ZNF239: variants seen among roughly 807,000 people sequenced by gnomAD.
The protein encoded by ZNF239 is zinc finger protein (C2H2) homologous to mouse MOK-2.
A neutral mutation model predicts 27.5 loss-of-function variants in ZNF239; 16 were observed. The observed-to-expected ratio is 0.58, with a 90% CI of 0.39 to 0.88. The LOEUF is 0.88. ZNF239 is among the 40% of genes least tolerant of loss of function. The probability of loss-of-function intolerance (pLI) is 0.00; values close to 1 mark genes in which losing one functional copy is unlikely to be tolerated. For missense variants in ZNF239, 527 were observed against 551.9 expected (o/e 0.95, Z 0.45); for synonymous variants, 199 against 192.6 (o/e 1.03, Z -0.27).
chr10:43,558,551 C>A (rs1732540703), intron 3 of ZNF239, among the ~76,000 whole-genome samples: 1 of 152,086 alleles, frequency 6.6e-6, no homozygotes, highest in Non-Finnish European at 1.5e-5. Context: ...CAGGTTCAAG[C>A]AATTTTCCCA....
At chr10:43,565,532 G>A (rs1837572442) in intron 3 of ZNF239, among the ~76,000 whole-genome samples, 2 of 151,970 alleles carry the variant, frequency 1.3e-5, no homozygotes, top group African/African-American at 4.8e-5. Flanking sequence ...GAAAAAGGCC[G>A]AGAAACACTG....
rs554503485 is a variant in ZNF239, at chr10:43,557,221, C to A, written c.859G>T (p.Gly287Cys). The change falls in exon 4 of 4, where the codon GGC (glycine) becomes TGC (cysteine). Residue 287 changes from glycine (G) to cysteine (C), a missense_variant. Transcript: ENST00000374446. ...TTGTCACATTTATAAGGTTTTTCGC[C>A]TGTATGGACGGCATGATGGATGAGC... The part of the protein sequence containing the change: ...SLLIHHAVHT[G>C]EKPYKCDKCG... The A allele has an allele frequency of 6.2e-7, 1 of 1,613,956 alleles. No homozygotes were observed. The highest frequency in any genetic ancestry group is 1.1e-5 in the South Asian group (1 of 91,062).
chr10:43,560,599 TTC>T (rs1218803828), intron 3 of ZNF239, among the ~76,000 whole-genome samples: 9 of 151,072 alleles, frequency 6.0e-5, no homozygotes, highest in African/African-American at 2.2e-4. Context: ...TTCAAATTTT[TTC>T]TTTTTCCCAA....
At chr10:43,574,133 C>T (rs1200107539) in intron 1 of ZNF239, among the ~76,000 whole-genome samples, 1 of 152,230 alleles carries the variant, frequency 6.6e-6, no homozygotes, top group African/African-American at 2.4e-5. Flanking sequence ...ACCTCAGTCT[C>T]TTACAGGAGC....
rs200516030 is a variant in ZNF239 at position 43,558,069 on chromosome 10, G to C, written c.11C>G (p.Thr4Arg). The C allele has an allele frequency of 5.6e-6, 9 of 1,613,086 alleles. No homozygotes were observed. MAS[T>R]ITGSQDCIVN... ...AATACAATCCTGACTTCCAGTAATT[G>C]TACTGGCCATGCCTTCCAAAACTAG... The change falls in exon 4 of 4, where the codon ACA becomes AGA. Residue 4 changes from threonine to arginine, a missense_variant. By Grantham distance (71) the Thr-to-Arg change is moderately conservative. Coordinates refer to ENST00000374446, the MANE Select transcript of ZNF239 (RefSeq NM_001099282.2).
chr10:43,570,176 A>G (rs1480155342), intron 2 of ZNF239: 3 of 985,382 alleles, frequency 3.0e-6, no homozygotes, highest in Non-Finnish European at 3.6e-6. Context: ...TGACTTACCC[A>G]ACTTGTCACC....
chr10:43,557,827 C>G lies in ZNF239; in HGVS notation c.253G>C (p.Glu85Gln). 1.2e-6 allele frequency: 2 copies of G among 1,614,246 alleles called. No homozygotes were observed. The highest frequency in any genetic ancestry group is 1.7e-6 in the Non-Finnish European group (2 of 1,180,046). ...QDSSVKFCKN[E>Q]PQDHQESRRL... Reference sequence around the variant, plus strand: ...CTGCTTTCCTGATGATCCTGAGGCTCATTCTTACAGAACTTCACTGAAGAG... The same window carrying G: ...CTGCTTTCCTGATGATCCTGAGGCTGATTCTTACAGAACTTCACTGAAGAG... Residue 85 changes from glutamate (E) to glutamine (Q), a missense_variant, in exon 4 of 4, where the codon GAG (glutamate) becomes CAG (glutamine). Glu to Gln is a conservative substitution (Grantham distance 29, BLOSUM62 2). Transcript: ENST00000374446.
intron 3 of ZNF239, among the ~76,000 whole-genome samples, chr10:43,565,660 A>G (rs1837581666): frequency 6.6e-6 from 1 of 151,878 alleles, no homozygotes; most frequent in African/African-American, 2.4e-5. Flanking sequence ...CTAAAAATAC[A>G]AAACATTAGC....
intron 3 of ZNF239, among the ~76,000 whole-genome samples, chr10:43,567,374 G>A (rs1035977256): frequency 3.9e-5 from 6 of 152,190 alleles, no homozygotes; most frequent in African/African-American, 1.4e-4. Flanking sequence ...AAAGGCAGGA[G>A]TACAGAGAAG....
At chr10:43,566,440 C>T (rs1001344146) in intron 3 of ZNF239, among the ~76,000 whole-genome samples, 3 of 152,160 alleles carry the variant, frequency 2.0e-5, no homozygotes, top group African/African-American at 7.2e-5. Flanking sequence ...TAACTGCCGC[C>T]ATGTCCTGCT....
Position 43,556,356 on chromosome 10 carries a change from C to A in ZNF239, c.*347G>T. On this transcript the variant is annotated 3_prime_UTR_variant, in exon 4 of 4. Transcript: ENST00000374446. ...ACAAGGCACAAAATTTGAAGAGAAA[C>A]CAGAGTTTCAATTTCTCAGAGAATG... 4.5e-6 allele frequency: 1 copy of A among 223,936 alleles called. No individual in the cohort carries two copies. Among genetic ancestry groups the A allele is most frequent in the Non-Finnish European group, 8.9e-6 (1 of 112,438 alleles). 13.9% of individuals were successfully genotyped at this position (223,936 alleles called of 1,614,324 possible).
intron 3 of ZNF239, among the ~76,000 whole-genome samples, chr10:43,561,278 T>C (rs995142995): frequency 1.3e-5 from 2 of 152,100 alleles, no homozygotes; most frequent in Non-Finnish European, 2.9e-5. Flanking sequence ...TAAAAAATGG[T>C]ATGTAAAAAG....
At chr10:43,566,717 AC>A (rs1837673961) in intron 3 of ZNF239, among the ~76,000 whole-genome samples, 1 of 152,204 alleles carries the variant, frequency 6.6e-6, no homozygotes, top group African/African-American at 2.4e-5. Flanking sequence ...TTTAATGGCT[AC>A]ATACTTTTCT....
At chr10:43,559,587 C>A (rs1338566) in intron 3 of ZNF239, among the ~76,000 whole-genome samples, 147,105 of 152,292 alleles carry the variant, frequency 0.97, 71,131 homozygotes, top group East Asian at 1. Context: ...AGTACTGGTC[C>A]GTAAGCTGTG....
At chr10:43,570,380 G>A (rs1335262791) in intron 2 of ZNF239, 1 of 985,084 alleles carries the variant, frequency 1.0e-6, no homozygotes, top group Non-Finnish European at 1.2e-6. Context: ...CTTTAGCAAG[G>A]CATGACCCAT....
chr10:43,573,278 T>A (rs769469006), intron 2 of ZNF239, among the ~76,000 whole-genome samples: 2 of 152,228 alleles, frequency 1.3e-5, no homozygotes, highest in East Asian at 3.8e-4. Context: ...TGGTTTATCA[T>A]TCTATCTGTT....
At chr10:43,558,248 G>T in intron 3 of ZNF239, 77 bp from the exon 4 acceptor site, 2 of 1,336,532 alleles carry the variant, frequency 1.5e-6, no homozygotes, top group Non-Finnish European at 2.0e-6. Context: ...CCTAAGGCCT[G>T]AAGTCTTAGT....
chr10:43,561,910 CA>C (rs1837280649), intron 3 of ZNF239, among the ~76,000 whole-genome samples: 1 of 152,052 alleles, frequency 6.6e-6, no homozygotes, highest in African/African-American at 2.4e-5. Context: ...AGCACGGAGT[CA>C]AAACCCCCCA....
intron 3 of ZNF239, among the ~76,000 whole-genome samples, chr10:43,560,497 C>T (rs749561712): frequency 6.6e-6 from 1 of 151,160 alleles, no homozygotes; most frequent in Non-Finnish European, 1.5e-5. Flanking sequence ...ATAGGAGGCC[C>T]ACCTGAGGCT....
Sources: gnomAD v4.1 joint callset for allele counts (sites outside exome capture counted in the v4.1 genomes callset) on GRCh38, gnomAD v4.1.1 for gene constraint, MANE v1.5 for transcripts, NCBI Gene and HGNC (gene_info 2026-07-23, HGNC 2026-07-21) for gene names.